Variants in TRPM3 observed in about 807,000 individuals in gnomAD.
The protein encoded by TRPM3 is long transient receptor potential channel 3.
In TRPM3, 77 loss-of-function variants were observed where a neutral mutation model predicts 181.2. That is an observed-to-expected ratio of 0.42 (90% CI 0.35 to 0.51). The LOEUF (loss-of-function observed/expected upper bound fraction) is 0.51, where lower values mean the gene tolerates loss of function less well. TRPM3 is among the 20% of genes least tolerant of loss of function. The pLI, the probability that TRPM3 is intolerant of heterozygous loss-of-function variation, is 0.01. For synonymous variants in TRPM3, 745 were observed against 796.4 expected (o/e 0.94, Z 1.09); for missense variants, 1,759 against 2,196.7 (o/e 0.80, Z 3.98).
upstream of TRPM3, chr9:71,446,958 G>T: frequency 9.9e-7 from 1 of 1,014,090 alleles, no homozygotes; most frequent in South Asian, 2.0e-5. Flanking sequence ...GCCTCCGCCG[G>T]CTCCTGCCAG....
intron 1 of TRPM3, among the ~76,000 whole-genome samples, chr9:70,892,773 G>A (rs1233928272): frequency 6.6e-6 from 1 of 152,066 alleles, no homozygotes; most frequent in Non-Finnish European, 1.5e-5. Flanking sequence ...TAATGTATGT[G>A]GTTAAAATGT....
At chr9:70,838,530 G>A (rs1034729291) in intron 5 of TRPM3, among the ~76,000 whole-genome samples, 3 of 152,158 alleles carry the variant, frequency 2.0e-5, no homozygotes, top group African/African-American at 7.2e-5. Context: ...AACCTGAAAA[G>A]ACTAAGACAG....
intron 1 of TRPM3, among the ~76,000 whole-genome samples, chr9:70,963,234 G>A (rs936381128): frequency 6.6e-6 from 1 of 152,186 alleles, no homozygotes; most frequent in Non-Finnish European, 1.5e-5. Context: ...TCTGGCAACT[G>A]GCTGGAAGCC....
chr9:71,346,580 A>C lies in TRPM3; in HGVS notation c.183+100073T>G, dbSNP rs2091306497. On this transcript the variant is annotated intron_variant, in intron 1 of 24. Transcript: ENST00000357533. ...AAAACAAAAGATAAAAAGAATTTTA[A>C]CTGGAAAGAGGTGCCTTTGGGAAAG... is the stretch of plus-strand genomic sequence containing the variant. Among the ~76,000 whole-genome samples, 3 of 152,384 alleles carry C rather than the reference A, an allele frequency of 2.0e-5. No individual in the cohort carries two copies. In the South Asian group the frequency reaches 6.2e-4, roughly 32 times the overall value.
intron 1 of TRPM3, among the ~76,000 whole-genome samples, chr9:70,981,042 G>A (rs914036611): frequency 6.6e-6 from 1 of 152,164 alleles, no homozygotes; most frequent in African/African-American, 2.4e-5. Context: ...TGATGGGGAA[G>A]CTCGAGTCAC....
intron 18 of TRPM3, among the ~76,000 whole-genome samples, chr9:70,614,284 C>T (rs2062425361): frequency 1.3e-5 from 2 of 149,276 alleles, no homozygotes. Context: ...TGCTTGAAAC[C>T]AGGAGTTCAA....
At chr9:70,878,530 T>C (rs2132658730) in intron 1 of TRPM3, among the ~76,000 whole-genome samples, 1 of 152,094 alleles carries the variant, frequency 6.6e-6, no homozygotes, top group East Asian at 1.9e-4. Context: ...TCTAGAACAA[T>C]GCTTCTAAAT....
intron 1 of TRPM3, among the ~76,000 whole-genome samples, chr9:71,262,673 G>C (rs1469657139): frequency 6.6e-6 from 1 of 152,226 alleles, no homozygotes; most frequent in East Asian, 1.9e-4. Context: ...AGGCACCCGA[G>C]GGAATCTCCT....
rs187846683 is a variant in TRPM3 at position 70,565,210 on chromosome 9, G to A, written c.3224-11900C>T. Among the ~76,000 whole-genome samples, 386 of 152,300 alleles carry A rather than the reference G, an allele frequency of 2.5e-3. 3 individuals are homozygous for A. The highest frequency in any genetic ancestry group is 0.01 in the Middle Eastern group (3 of 294). On this transcript the variant is annotated intron_variant, in intron 22 of 25. Coordinates refer to ENST00000677713, the MANE Select transcript of TRPM3 (RefSeq NM_001366145.2). ...CACCCTTGTATAGTGGGCTAACAACGTTATTCTTTCCCAGAGCAACATTGA... is the reference window on the plus strand; with the variant it reads ...CACCCTTGTATAGTGGGCTAACAACATTATTCTTTCCCAGAGCAACATTGA...
intron 8 of TRPM3, among the ~76,000 whole-genome samples, chr9:70,745,412 A>G (rs943877907): frequency 6.6e-6 from 1 of 152,168 alleles, no homozygotes; most frequent in Admixed American, 6.6e-5. Flanking sequence ...GAAAACTCAT[A>G]CGGAAAACAT....
rs552925478 is a variant in TRPM3 at position 70,635,360 on chromosome 9, G to A, written c.1582-99C>T. The A allele has an allele frequency of 9.1e-5, 89 of 973,516 alleles. No individual in the cohort carries two copies. In the African/African-American group the frequency reaches 1.3e-3, roughly 15 times the overall value. The allele number at this position is 973,516 out of a possible 1,614,324, so 60.3% of individuals were successfully genotyped here. A position where few individuals can be genotyped will look rare whatever the true frequency, so the allele number is the denominator to read the frequency against. On this transcript the variant is annotated intron_variant, in intron 11 of 25. Transcript: ENST00000677713. ...AAGGAAGGGTGCTGGCTGGTGGAGG[G>A]CAGTTCATTAAGATGGACCTTGTTC... is the stretch of plus-strand genomic sequence containing the variant.
At chr9:70,990,238 T>C (rs990436243) in intron 1 of TRPM3, among the ~76,000 whole-genome samples, 1 of 152,150 alleles carries the variant, frequency 6.6e-6, no homozygotes, top group African/African-American at 2.4e-5. Flanking sequence ...GGCCCTCGTG[T>C]CAAAGAATGT....
At chr9:71,198,187 T>C (rs1396020118) in intron 1 of TRPM3, among the ~76,000 whole-genome samples, 2 of 151,862 alleles carry the variant, frequency 1.3e-5, no homozygotes, top group African/African-American at 2.4e-5. Context: ...GTTGTAGATA[T>C]GTGGTGTTAT....
intron 1 of TRPM3, among the ~76,000 whole-genome samples, chr9:71,178,740 T>C (rs1325305412): frequency 6.6e-6 from 1 of 152,122 alleles, no homozygotes; most frequent in Non-Finnish European, 1.5e-5. Context: ...TGAGATTCAT[T>C]CCATTCTGAG....
At chr9:71,266,938 A>T (rs1366786829) in intron 1 of TRPM3, among the ~76,000 whole-genome samples, 2 of 150,224 alleles carry the variant, frequency 1.3e-5, no homozygotes, top group African/African-American at 5.0e-5. Context: ...TTAATCCTTC[A>T]AATGCTATAT....
At chr9:71,198,251 A>G (rs1237046738) in intron 1 of TRPM3, among the ~76,000 whole-genome samples, 4 of 152,070 alleles carry the variant, frequency 2.6e-5, no homozygotes, top group Non-Finnish European at 5.9e-5. Context: ...TGGTACCAGT[A>G]CCATGCTGTT....
At chr9:71,221,972 G>A (rs2080270355) in intron 1 of TRPM3, among the ~76,000 whole-genome samples, 1 of 152,196 alleles carries the variant, frequency 6.6e-6, no homozygotes, top group Non-Finnish European at 1.5e-5. Context: ...CTACCACTAA[G>A]ATGTGGGTTC....
In TRPM3 at chr9:70,846,425, G is replaced by C. The variant is rs774544892; in HGVS notation, c.629C>G (p.Ala210Gly). 8.1e-6 allele frequency: 13 copies of C among 1,614,042 alleles called. No individual in the cohort carries two copies. The change falls in exon 4 of 26, where the codon GCA (alanine) becomes GGA (glycine). Residue 210 changes from alanine to glycine, a missense_variant. Ala to Gly is a moderately conservative substitution (Grantham distance 60). Around this residue, in one of 8 missense-constraint regions of TRPM3, gnomAD observed 737 missense variants for 957.4 expected, o/e 0.77. Transcript: ENST00000677713. The stretch of plus-strand genomic sequence containing the variant: ...TATCCACGCTCCAGTTGTCATTGCT[G>C]CTTTGATGAGCCCTTTCCCAAAGAC... ...KQVFGKGLIK[A>G]AMTTGAWIFT...
chr9:71,277,742 T>C (rs573656713), intron 1 of TRPM3, among the ~76,000 whole-genome samples: 4 of 152,166 alleles, frequency 2.6e-5, no homozygotes, highest in Non-Finnish European at 5.9e-5. Flanking sequence ...TTAACAAATA[T>C]CTAATCTGTA....
Sources: gnomAD v4.1 joint callset for allele counts (sites outside exome capture counted in the v4.1 genomes callset) on GRCh38, gnomAD v4.1.1 for gene constraint, gnomAD v4.1.1 regional missense constraint, MANE v1.5 for transcripts, NCBI Gene and HGNC (gene_info 2026-07-23, HGNC 2026-07-21) for gene names.